The following ARHGAP15 variants were observed in gnomAD, a reference collection of about 807,000 sequenced individuals.
ARHGAP15 encodes the protein Rho GTPase activating protein 15, also known as rho GTPase-activating protein 15.
ARHGAP15 carries 51 observed loss-of-function variants against 63.7 expected under a neutral mutation model. The ratio of observed to expected loss-of-function variants is 0.80; its 90% CI spans 0.64 to 1.01. ARHGAP15 has a LOEUF of 1.01. Ranked by LOEUF, ARHGAP15 falls within the 50% of genes least tolerant of loss-of-function variation. The pLI is 0.00. For missense variants in ARHGAP15, 560 were observed against 564.6 expected (o/e 0.99, Z 0.08); for synonymous variants, 191 against 193.8 (o/e 0.99, Z 0.12).
chr2:143,498,291 T>C (rs566320157), intron 9 of ARHGAP15, among the ~76,000 whole-genome samples: 36 of 152,210 alleles, frequency 2.4e-4, no homozygotes, highest in Non-Finnish European at 4.7e-4. Context: ...TAAAACTGAG[T>C]CATCAGGAAA....
intron 13 of ARHGAP15, among the ~76,000 whole-genome samples, chr2:143,739,984 T>C (rs905695918): frequency 1.1e-4 from 17 of 152,170 alleles, no homozygotes; most frequent in Admixed American, 9.2e-4. Flanking sequence ...TCATAATCTC[T>C]CTTTTTGCAC....
At chr2:143,160,471 TGCAATTTTCTTTACCACTGGGAGG>T (rs1690247477) in intron 2 of ARHGAP15, among the ~76,000 whole-genome samples, 1 of 152,012 alleles carries the variant, frequency 6.6e-6, no homozygotes, top group Non-Finnish European at 1.5e-5. Context: ...TGTCTTCCAC[TGCAATTTTCTTTACCACTGGGAGG>T]GCAATTTTGT....
chr2:143,511,441 A>G (rs919969739), intron 9 of ARHGAP15, among the ~76,000 whole-genome samples: 1 of 152,198 alleles, frequency 6.6e-6, no homozygotes. Flanking sequence ...CACCCCTAGC[A>G]AGAGGTGCTT....
intron 2 of ARHGAP15, among the ~76,000 whole-genome samples, chr2:143,181,697 G>T (rs532088292): frequency 2.9e-4 from 44 of 152,166 alleles, no homozygotes; most frequent in Non-Finnish European, 5.1e-4. Flanking sequence ...CCTCAATTAG[G>T]TGTTAGCTCT....
intron 6 of ARHGAP15, among the ~76,000 whole-genome samples, chr2:143,285,915 TA>T (rs1364644085): frequency 6.6e-6 from 1 of 152,218 alleles, no homozygotes; most frequent in Non-Finnish European, 1.5e-5. Flanking sequence ...TAAGTGTAGA[TA>T]AAATAATTTT....
chr2:143,574,478 A>G (rs374368222), intron 11 of ARHGAP15, among the ~76,000 whole-genome samples: 36 of 152,040 alleles, frequency 2.4e-4, no homozygotes, highest in Middle Eastern at 3.4e-3. Flanking sequence ...AACTTAAAGT[A>G]TAATAATAAT....
At chr2:143,148,943 T>C (rs1219950946) in intron 1 of ARHGAP15, among the ~76,000 whole-genome samples, 1 of 151,932 alleles carries the variant, frequency 6.6e-6, no homozygotes, top group African/African-American at 2.4e-5. Context: ...CAACAAACAA[T>C]TGCAATGCGA....
intron 6 of ARHGAP15, among the ~76,000 whole-genome samples, chr2:143,430,833 C>T (rs551984723): frequency 6.6e-6 from 1 of 151,902 alleles, no homozygotes; most frequent in African/African-American, 2.4e-5. Flanking sequence ...CCACTGTAGC[C>T]ATATTATTTA....
intron 6 of ARHGAP15, among the ~76,000 whole-genome samples, chr2:143,392,860 T>C (rs1206910081): frequency 6.6e-6 from 1 of 152,040 alleles, no homozygotes; most frequent in Non-Finnish European, 1.5e-5. Flanking sequence ...GTTCAGTAAT[T>C]AGAAACTTTT....
chr2:143,151,883 C>T (rs192394797), intron 1 of ARHGAP15, among the ~76,000 whole-genome samples: 1 of 151,976 alleles, frequency 6.6e-6, no homozygotes, highest in East Asian at 2.0e-4. Context: ...GTCTCTGAAC[C>T]CACAGGTACA....
At chr2:143,752,490 C>T (rs1308263993) in intron 13 of ARHGAP15, among the ~76,000 whole-genome samples, 1 of 152,226 alleles carries the variant, frequency 6.6e-6, no homozygotes, top group Admixed American at 6.5e-5. Flanking sequence ...CCAGGACCCG[C>T]CTGCATTCCA....
At chr2:143,615,319 T>C (rs1698413871) in intron 11 of ARHGAP15, among the ~76,000 whole-genome samples, 1 of 152,186 alleles carries the variant, frequency 6.6e-6, no homozygotes, top group South Asian at 2.1e-4. Context: ...TCTGAAGAAA[T>C]ACTTCCAGAC....
At chr2:143,390,735 A>G (rs1687502444) in intron 6 of ARHGAP15, among the ~76,000 whole-genome samples, 1 of 2,464 alleles carries the variant, frequency 4.1e-4, no homozygotes, top group Non-Finnish European at 2.4e-3. Context: ...ACACATGCAC[A>G]CACACACACA....
At chr2:143,650,487 A>G (rs187231689) in intron 12 of ARHGAP15, among the ~76,000 whole-genome samples, 2 of 152,038 alleles carry the variant, frequency 1.3e-5, no homozygotes, top group East Asian at 1.9e-4. Flanking sequence ...TATACCTTAC[A>G]GTACCTTCCT....
At chr2:143,308,440 G>A (rs926449545) in intron 6 of ARHGAP15, among the ~76,000 whole-genome samples, 1 of 151,192 alleles carries the variant, frequency 6.6e-6, no homozygotes, top group Non-Finnish European at 1.5e-5. Flanking sequence ...AAAATCAAGG[G>A]TAATTGTACC....
intron 6 of ARHGAP15, among the ~76,000 whole-genome samples, chr2:143,399,782 T>C (rs747167070): frequency 5.3e-5 from 8 of 152,000 alleles, no homozygotes; most frequent in Non-Finnish European, 1.0e-4. Context: ...TGTGCCCCTC[T>C]GGAAAGCCCC....
chr2:143,653,688 A>G (rs976282112), intron 12 of ARHGAP15, among the ~76,000 whole-genome samples: 3 of 152,190 alleles, frequency 2.0e-5, no homozygotes, highest in African/African-American at 7.2e-5. Context: ...AGTCTTCCTG[A>G]AGGAATACTA....
At chr2:143,687,357 C>T (rs1432944227) in intron 12 of ARHGAP15, among the ~76,000 whole-genome samples, 1 of 152,000 alleles carries the variant, frequency 6.6e-6, no homozygotes, top group African/African-American at 2.4e-5. Context: ...AGGCTCAGTC[C>T]AATAAGCAAT....
At chr2:143,721,677 G>A (rs923518661) in intron 13 of ARHGAP15, among the ~76,000 whole-genome samples, 13 of 152,122 alleles carry the variant, frequency 8.5e-5, no homozygotes, top group African/African-American at 3.1e-4. Flanking sequence ...TGAAAAACGT[G>A]GACCTTTTTA....
Sources: gnomAD v4.1 joint callset for allele counts (sites outside exome capture counted in the v4.1 genomes callset) on GRCh38, gnomAD v4.1.1 for gene constraint, MANE v1.5 for transcripts, NCBI Gene and HGNC (gene_info 2026-07-23, HGNC 2026-07-21) for gene names.